Variants in OTX2 observed in about 807,000 individuals in gnomAD.
OTX2 encodes the protein homeobox protein OTX2.
A neutral mutation model predicts 29.0 loss-of-function variants in OTX2; 4 were observed. That is an observed-to-expected ratio of 0.14 (90% CI 0.07 to 0.32). OTX2 has a LOEUF of 0.32. Among genes scored for constraint, OTX2 ranks in the 10% least tolerant of loss-of-function variants. The probability of loss-of-function intolerance (pLI) is 1.00; values close to 1 mark genes in which losing one functional copy is unlikely to be tolerated. For synonymous variants in OTX2, 134 were observed against 141.0 expected (o/e 0.95, Z 0.35); for missense variants, 298 against 365.9 (o/e 0.81, Z 1.51).
chr14:56,801,693 G>C lies in OTX2; in HGVS notation c.*42C>G. 1 of 1,603,810 alleles carries C rather than the reference G, an allele frequency of 6.2e-7. No homozygotes were observed. The highest frequency in any genetic ancestry group is 8.5e-7 in the Non-Finnish European group (1 of 1,172,408). ...GGCTAAAACTGGAATGTCCAGCCCA[G>C]TATATTTAAAAATCACCCACAAAAA... is the stretch of plus-strand genomic sequence containing the variant. On this transcript the variant is annotated 3_prime_UTR_variant, in exon 5 of 5. Transcript: ENST00000672264. This position sits in a 1 kb window ranked among gnomAD's most constrained non-coding sequence, Gnocchi z 4.2.
At position 56,800,538 on chromosome 14, in the gene OTX2, C is replaced by T. The variant is rs1020242452; in HGVS notation, c.*1197G>A. ...CTGATGAAAGTCACAAAAAGTCTACCTACCACTGTCATTCATATCTATTTT... is the reference window on the plus strand; with the variant it reads ...CTGATGAAAGTCACAAAAAGTCTACTTACCACTGTCATTCATATCTATTTT... On this transcript the variant is annotated 3_prime_UTR_variant, in exon 5 of 5. Coordinates refer to ENST00000672264, the MANE Select transcript of OTX2 (RefSeq NM_021728.4). 4 of 151,950 alleles carry T rather than the reference C, an allele frequency of 2.6e-5. No homozygotes were observed. Among genetic ancestry groups the T allele is most frequent in the Admixed American group, 6.6e-5 (1 of 15,260 alleles). 9.4% of individuals were successfully genotyped at this position (151,950 alleles called of 1,614,324 possible).
intron 2 of OTX2, among the ~76,000 whole-genome samples, chr14:56,809,502 G>T (rs1386014515): frequency 6.6e-6 from 1 of 152,256 alleles, no homozygotes; most frequent in African/African-American, 2.4e-5. Flanking sequence ...AGGCCAAAGA[G>T]AGCGAGCAGT....
rs538805998 is a variant in OTX2, at chr14:56,801,462, A to G, written c.*273T>C. 40 of 506,898 alleles carry G rather than the reference A, an allele frequency of 7.9e-5. No homozygotes were observed. Among genetic ancestry groups the G allele is most frequent in the African/African-American group, 6.9e-4 (36 of 52,148 alleles). 31.4% of individuals were successfully genotyped at this position (506,898 alleles called of 1,614,324 possible). ...TATTTTTGGTGGTGTTTGGTTGCAC[A>G]TGGCTAGAATGCTTTTGATCACTTT... On this transcript the variant is annotated 3_prime_UTR_variant, in exon 5 of 5. Transcript: ENST00000672264. The surrounding 1 kb of genome is among the most constrained non-coding windows in gnomAD (Gnocchi z 4.2).
In OTX2 at chr14:56,804,417, A is replaced by G. The variant is rs1358363753; in HGVS notation, c.98-54T>C. The G allele has an allele frequency of 7.2e-6, 11 of 1,527,414 alleles. No homozygotes were observed. The highest frequency in any genetic ancestry group is 8.9e-6 in the Non-Finnish European group (10 of 1,122,344). 94.6% of individuals were successfully genotyped at this position (1,527,414 alleles called of 1,614,324 possible). On this transcript the variant is annotated intron_variant, in intron 3 of 4. Transcript: ENST00000672264. This position sits in a 1 kb window ranked among gnomAD's most constrained non-coding sequence, Gnocchi z 4.1. ...CATAGGCGTTTCCGCGGGTTCTCCG[A>G]CGCCCCTGCCCTCCACCCCGCAGCA...
rs1363925592 is a variant in OTX2, at chr14:56,802,475, C to T, written c.274-120G>A. 8 of 1,088,118 alleles carry T rather than the reference C, an allele frequency of 7.4e-6. No homozygotes were observed. The highest frequency in any genetic ancestry group is 1.1e-5 in the Non-Finnish European group (8 of 714,186). The allele number at this position is 1,088,118 out of a possible 1,614,324, so 67.4% of individuals were successfully genotyped here. ...TCAGCTAAACACACAATTTCCCCTG[C>T]CACTGAAGACCTATTATGTGGTACT... On this transcript the variant is annotated intron_variant, in intron 4 of 4. Transcript: ENST00000672264. This position sits in a 1 kb window ranked among gnomAD's most constrained non-coding sequence, Gnocchi z 4.4.
chr14:56,807,991 C>G (rs1892148476), intron 2 of OTX2, among the ~76,000 whole-genome samples: 2 of 147,826 alleles, frequency 1.4e-5, no homozygotes, highest in Admixed American at 1.3e-4. Flanking sequence ...AGCCCCGCAG[C>G]CCCGCAGCCC....
At chr14:56,808,109 C>A (rs1892153522) in intron 2 of OTX2, among the ~76,000 whole-genome samples, 1 of 132,430 alleles carries the variant, frequency 7.6e-6, no homozygotes, top group Admixed American at 8.7e-5. Flanking sequence ...CTCCCTCCCC[C>A]ACGCCTTGTT....
intron 3 of OTX2, 110 bp downstream of exon 3, chr14:56,805,250 G>A: frequency 1.3e-6 from 1 of 748,990 alleles, no homozygotes; most frequent in Non-Finnish European, 2.4e-6. Flanking sequence ...CTGAAGCTGG[G>A]TGGGGACAGT....
In OTX2 at chr14:56,805,551, G is replaced by T; in HGVS notation, c.-95C>A. On this transcript the variant is annotated 5_prime_UTR_variant, in exon 3 of 5. Transcript: ENST00000672264. Reference sequence around the variant, plus strand: ...CGGGGTGGACAGGTTCAGAGTCCTTGGTGGGTGGGTTTGGAGCAGTGGAAC... The same window carrying T: ...CGGGGTGGACAGGTTCAGAGTCCTTTGTGGGTGGGTTTGGAGCAGTGGAAC... The T allele has an allele frequency of 3.9e-6, 3 of 773,400 alleles. No individual in the cohort carries two copies. In the South Asian group the frequency reaches 4.3e-5, roughly 11 times the overall value. 47.9% of individuals were successfully genotyped at this position (773,400 alleles called of 1,614,324 possible).
chr14:56,806,508 G>A (rs1315949290), intron 2 of OTX2, among the ~76,000 whole-genome samples: 1 of 152,242 alleles, frequency 6.6e-6, no homozygotes, highest in Non-Finnish European at 1.5e-5. Flanking sequence ...CACATTTGTA[G>A]TGCAAGCTGC....
Position 56,804,177 on chromosome 14 carries a change from A to T in OTX2, c.273+11T>A, listed in dbSNP as rs371958059. 6.2e-7 allele frequency: 1 copy of T among 1,614,112 alleles called. No homozygotes were observed. Among genetic ancestry groups the T allele is most frequent in the African/African-American group, 1.3e-5 (1 of 75,032 alleles). On this transcript the variant is annotated intron_variant, in intron 4 of 4. Transcript: ENST00000672264. This position sits in a 1 kb window ranked among gnomAD's most constrained non-coding sequence, Gnocchi z 4.1. ...GATCAGGAAGGATGGTTCTGCCTGCATCTGCCCTACCTGCACCCTCGACTC... is the reference window on the plus strand; with the variant it reads ...GATCAGGAAGGATGGTTCTGCCTGCTTCTGCCCTACCTGCACCCTCGACTC...
chr14:56,806,283 A>C (rs1892087796), intron 2 of OTX2, among the ~76,000 whole-genome samples: 1 of 152,236 alleles, frequency 6.6e-6, no homozygotes. Flanking sequence ...CTGGGTAATT[A>C]GATTTCGAGG....
At position 56,802,833 on chromosome 14, in the gene OTX2, C is replaced by A. The variant is rs999196128; in HGVS notation, c.274-478G>T. On this transcript the variant is annotated intron_variant, in intron 4 of 4. Transcript: ENST00000672264. The surrounding 1 kb of genome is among the most constrained non-coding windows in gnomAD (Gnocchi z 4.4). ...CAGTTCATCTTCCAGGAAGCAACTG[C>A]TAATATAGAGGTTGGTTGGTTCCAT... 6.6e-6 allele frequency among the ~76,000 whole-genome samples: 1 copy of A among 152,172 alleles called. No individual in the cohort carries two copies. Among genetic ancestry groups the A allele is most frequent in the African/African-American group, 2.4e-5 (1 of 41,432 alleles).
Position 56,805,559 on chromosome 14 carries a change from G to A in OTX2, c.-103C>T. 1.3e-6 allele frequency: 1 copy of A among 747,008 alleles called. No individual in the cohort carries two copies. Among genetic ancestry groups the A allele is most frequent in the Non-Finnish European group, 2.4e-6 (1 of 417,276 alleles). The allele number at this position is 747,008 out of a possible 1,614,324, so 46.3% of individuals were successfully genotyped here. A position where few individuals can be genotyped will look rare whatever the true frequency, so the allele number is the denominator to read the frequency against. On this transcript the variant is annotated 5_prime_UTR_variant, in exon 3 of 5. Coordinates refer to ENST00000672264, the MANE Select transcript of OTX2 (RefSeq NM_021728.4). ...ACAGGTTCAGAGTCCTTGGTGGGTG[G>A]GTTTGGAGCAGTGGAACTAAGGGCA...
intron 4 of OTX2, among the ~76,000 whole-genome samples, chr14:56,803,218 G>C (rs1262439172): frequency 6.6e-6 from 1 of 152,208 alleles, no homozygotes; most frequent in African/African-American, 2.4e-5. Flanking sequence ...AGGAACTACT[G>C]GCATTTTCTG....
In OTX2 at chr14:56,801,948, G is replaced by A; in HGVS notation, c.681C>T (p.Leu227=). Residue 227 remains leucine, a synonymous_variant, in exon 5 of 5, where the codon CTC becomes CTT. Transcript: ENST00000672264. The surrounding 1 kb of genome is among the most constrained non-coding windows in gnomAD (Gnocchi z 4.2). The stretch of plus-strand genomic sequence containing the variant: ...TGACTGCATTGGTACCCATGGGACT[G>A]AGTGTGGCCCCTGGTCCGGGAAGCT... ...HHQLPGPGAT[L]SPMGTNAVTS... is the part of the protein sequence containing the mutation. The A allele has an allele frequency of 6.2e-7, 1 of 1,614,202 alleles. No individual in the cohort carries two copies. Among genetic ancestry groups the A allele is most frequent in the Non-Finnish European group, 8.5e-7 (1 of 1,180,028 alleles).
Position 56,801,546 on chromosome 14 carries a change from T to C in OTX2, c.*189A>G. 1 of 633,488 alleles carries C rather than the reference T, an allele frequency of 1.6e-6. No individual in the cohort carries two copies. Among genetic ancestry groups the C allele is most frequent in the Non-Finnish European group, 2.8e-6 (1 of 360,642 alleles). 39.2% of individuals were successfully genotyped at this position (633,488 alleles called of 1,614,324 possible). On this transcript the variant is annotated 3_prime_UTR_variant, in exon 5 of 5. Coordinates refer to ENST00000672264, the MANE Select transcript of OTX2 (RefSeq NM_021728.4). The surrounding 1 kb of genome is among the most constrained non-coding windows in gnomAD (Gnocchi z 4.2). ...ACAGGATCTTAAGCAGATTGGTTTG[T>C]CCATTTCATGTTGCTGGTTTGTAGG... is the stretch of plus-strand genomic sequence containing the variant.
At chr14:56,805,809 A>AC (rs1892072566) in intron 2 of OTX2, 1 of 166,726 alleles carries the variant, frequency 6.0e-6, no homozygotes, top group African/African-American at 2.9e-5. Context: ...CCCACCCTAA[A>AC]CTTAAAAAAA....
chr14:56,802,266 C>G lies in OTX2; in HGVS notation c.363G>C (p.Lys121Asn). Residue 121 changes from lysine (K) to asparagine (N), a missense_variant, in exon 5 of 5, where the codon AAG (lysine) becomes AAC (asparagine). Lys to Asn is a moderately conservative substitution (Grantham distance 94). This residue lies in a region of OTX2 where 219 missense variants were observed against 223.5 expected (regional missense o/e 0.98). Transcript: ENST00000672264. The surrounding 1 kb of genome is among the most constrained non-coding windows in gnomAD (Gnocchi z 4.4). ...GGQNKVRPAKKKTSPAREVSS... is the reference protein window; with the variant it reads ...GGQNKVRPAKNKTSPAREVSS... Reference sequence around the variant, plus strand: ...TCACTTCCCGAGCTGGAGATGTCTTCTTTTTGGCAGGTCTCACTTTGTTTT... The same window carrying G: ...TCACTTCCCGAGCTGGAGATGTCTTGTTTTTGGCAGGTCTCACTTTGTTTT... 6.2e-7 allele frequency: 1 copy of G among 1,614,128 alleles called. No individual in the cohort carries two copies. Among genetic ancestry groups the G allele is most frequent in the Non-Finnish European group, 8.5e-7 (1 of 1,180,024 alleles).
Sources: allele counts gnomAD v4.1 joint callset (sites outside exome capture counted in the v4.1 genomes callset), GRCh38; gene constraint gnomAD v4.1.1; regional missense constraint gnomAD v4.1.1; non-coding constraint Gnocchi (gnomAD v3.1); transcripts MANE v1.5; gene names NCBI Gene and HGNC (gene_info 2026-07-23, HGNC 2026-07-21).